Variants in WDR75 observed in about 807,000 individuals in gnomAD.
WDR75 encodes WD repeat domain 75, also known as WD repeat-containing protein 75.
WDR75 carries 52 observed loss-of-function variants against 106.1 expected under a neutral mutation model. The observed-to-expected ratio is 0.49, with a 90% CI of 0.39 to 0.62. WDR75 has a LOEUF of 0.62. WDR75 is among the 20% of genes least tolerant of loss of function. The pLI is 0.00. For synonymous variants in WDR75, 333 were observed against 335.5 expected, an observed-to-expected ratio of 0.99 and a Z score of 0.08; for missense variants, 905 against 970.3, an observed-to-expected ratio of 0.93 and a Z score of 0.89.
intron 17 of WDR75, among the ~76,000 whole-genome samples, chr2:189,470,616 A>G (rs1188478934): frequency 6.6e-6 from 1 of 151,110 alleles, no homozygotes; most frequent in East Asian, 1.9e-4. Context: ...ATTCATTACC[A>G]TTTCTTAAGT....
chr2:189,455,545 AATTACTATATTTG>A, intron 5 of WDR75, 101 bp downstream of exon 5: 1 of 1,418,630 alleles, frequency 7.0e-7, no homozygotes, highest in Non-Finnish European at 9.6e-7. Flanking sequence ...TATTCCCTTG[AATTACTATATTTG>A]TATTAGTAAC....
At chr2:189,468,731 T>C (rs956109163) in intron 15 of WDR75, among the ~76,000 whole-genome samples, 162 bp downstream of exon 15, 1 of 152,196 alleles carries the variant, frequency 6.6e-6, no homozygotes, top group African/African-American at 2.4e-5. Context: ...ATACTGGGCC[T>C]GTAATAGACA....
At chr2:189,442,473 C>G in intron 1 of WDR75, among the ~76,000 whole-genome samples, 1 of 44,788 alleles carries the variant, frequency 2.2e-5, no homozygotes. Context: ...TTTTTTGATG[C>G]AGAATCTCAC....
At chr2:189,459,001 C>T in intron 7 of WDR75, 129 bp downstream of exon 7, 3 of 1,186,928 alleles carry the variant, frequency 2.5e-6, no homozygotes, top group African/African-American at 1.6e-5. Flanking sequence ...TCATTTCATA[C>T]TTACTGTTTT....
chr2:189,448,708 G>A, intron 2 of WDR75, 200 bp downstream of exon 2: 1 of 704,924 alleles, frequency 1.4e-6, no homozygotes, highest in Non-Finnish European at 2.5e-6. Flanking sequence ...ATGCTAAGAG[G>A]TATTACCTGA....
chr2:189,462,489 A>C lies in WDR75; in HGVS notation c.784A>C (p.Ser262Arg), dbSNP rs1686911225. ...MDLAFSVTGT[S>R]LLSGGRESVL... ...TTCCTTGAATGGATATGAAGGCACC[A>C]GTCTGCTGAGTGGCGGTCGTGAATC... is the stretch of plus-strand genomic sequence containing the variant. The change falls in exon 9 of 21, where the codon AGT becomes CGT. Residue 262 changes from serine to arginine, a missense_variant. Coordinates refer to ENST00000314761, the MANE Select transcript of WDR75 (RefSeq NM_032168.3). The C allele has an allele frequency of 6.2e-7, 1 of 1,613,834 alleles. No individual in the cohort carries two copies. The highest frequency in any genetic ancestry group is 8.5e-7 in the Non-Finnish European group (1 of 1,179,796).
At position 189,469,463 on chromosome 2, in the gene WDR75, G is replaced by C. The variant is rs1375957787; in HGVS notation, c.1819+24G>C. 3 of 1,550,898 alleles carry C rather than the reference G, an allele frequency of 1.9e-6. No individual in the cohort carries two copies. The South Asian group carries it at 3.3e-5, about 17-fold the overall frequency. On this transcript the variant is annotated intron_variant, in intron 16 of 20. Transcript: ENST00000314761. ...CTGTAAGTACAAACCACACTTTGTA[G>C]TAAGAGAACATCTATGACCTAAGTT...
chr2:189,473,963 A>G (rs1435870714), intron 18 of WDR75, among the ~76,000 whole-genome samples: 1 of 152,146 alleles, frequency 6.6e-6, no homozygotes, highest in Non-Finnish European at 1.5e-5. Flanking sequence ...TGGTAAATGC[A>G]TGTATTATTC....
chr2:189,468,049 T>C (rs1687040066), intron 14 of WDR75, among the ~76,000 whole-genome samples: 1 of 152,158 alleles, frequency 6.6e-6, no homozygotes, highest in Non-Finnish European at 1.5e-5. Context: ...CTTCAGGTAG[T>C]TGGGCCTGAG....
intron 6 of WDR75, among the ~76,000 whole-genome samples, chr2:189,458,389 C>T (rs1686785241): frequency 6.6e-6 from 1 of 152,080 alleles, no homozygotes; most frequent in Non-Finnish European, 1.5e-5. Context: ...GATCTAATGT[C>T]TCAGGTTTGA....
At position 189,455,454 on chromosome 2, in the gene WDR75, G is replaced by A; in HGVS notation, c.498+10G>A. ...TGCCTTTGGAAACGAGGTAAATTTT[G>A]TTTTGTTCGTTTTCTGTTTTGTACC... On this transcript the variant is annotated intron_variant, in intron 5 of 20. Coordinates refer to ENST00000314761, the MANE Select transcript of WDR75 (RefSeq NM_032168.3). 6.2e-7 allele frequency: 1 copy of A among 1,600,622 alleles called. No individual in the cohort carries two copies. Among genetic ancestry groups the A allele is most frequent in the Middle Eastern group, 1.7e-4 (1 of 5,982 alleles).
At chr2:189,463,609 G>A (rs1331805767) in intron 9 of WDR75, 85 bp from the exon 10 acceptor site, 2 of 1,186,956 alleles carry the variant, frequency 1.7e-6, no homozygotes, top group African/African-American at 1.5e-5. Context: ...GTGTTAGGCT[G>A]CATAAAAAGC....
chr2:189,450,176 G>A, intron 2 of WDR75: 1 of 978,286 alleles, frequency 1.0e-6, no homozygotes, highest in Non-Finnish European at 1.2e-6. Context: ...TGTATTTTAT[G>A]AAAGTATTGG....
Position 189,455,433 on chromosome 2 carries a change from T to G in WDR75, c.487T>G (p.Phe163Val), listed in dbSNP as rs1169339033. 44 of 1,604,066 alleles carry G rather than the reference T, an allele frequency of 2.7e-5. No individual in the cohort carries two copies. The highest frequency in any genetic ancestry group is 3.7e-5 in the Non-Finnish European group (43 of 1,176,642). Residue 163 changes from phenylalanine (F) to valine (V), a missense_variant, in exon 5 of 21, where the codon TTT becomes GTT. Physicochemically the swap from Phe to Val is conservative, Grantham distance 50 (BLOSUM62 -1). Coordinates refer to ENST00000314761, the MANE Select transcript of WDR75 (RefSeq NM_032168.3). ...YINQSPKCIA[F>V]GNEGVYVAAV... ...AAACCAGTCACCCAAGTGCATTGCC[T>G]TTGGAAACGAGGTAAATTTTGTTTT...
At position 189,448,527 on chromosome 2, in the gene WDR75, C is replaced by T. The variant is rs1296268619; in HGVS notation, c.216+19C>T. On this transcript the variant is annotated intron_variant, in intron 2 of 20. Coordinates refer to ENST00000314761, the MANE Select transcript of WDR75 (RefSeq NM_032168.3). ...TCTACAGGTGTCAAACAGTTTATAG[C>T]TGAATACTTTAAGACTGGCTTTGTT... 6.2e-7 allele frequency: 1 copy of T among 1,609,658 alleles called. No homozygotes were observed. The highest frequency in any genetic ancestry group is 8.5e-7 in the Non-Finnish European group (1 of 1,178,578).
chr2:189,474,524 G>A (rs1687174862), intron 19 of WDR75, among the ~76,000 whole-genome samples, 192 bp downstream of exon 19: 1 of 152,194 alleles, frequency 6.6e-6, no homozygotes, highest in Non-Finnish European at 1.5e-5. Context: ...TGTAGGGATA[G>A]GGGTGGTTGT....
At chr2:189,447,239 G>T (rs1021415636) in intron 1 of WDR75, among the ~76,000 whole-genome samples, 1 of 152,142 alleles carries the variant, frequency 6.6e-6, no homozygotes, top group Admixed American at 6.6e-5. Context: ...ATATTTCTGC[G>T]CCTTGTTCTG....
intron 2 of WDR75, chr2:189,449,275 G>T: frequency 7.7e-7 from 1 of 1,303,458 alleles, no homozygotes; most frequent in Non-Finnish European, 1.0e-6. Context: ...ATTGATTAAG[G>T]ATGGATTTGC....
chr2:189,474,307 C>G lies in WDR75; in HGVS notation c.2171C>G (p.Thr724Arg). 6.2e-7 allele frequency: 1 copy of G among 1,612,184 alleles called. No homozygotes were observed. Among genetic ancestry groups the G allele is most frequent in the Non-Finnish European group, 8.5e-7 (1 of 1,179,422 alleles). The change falls in exon 19 of 21, where the codon ACA becomes AGA. Residue 724 changes from threonine to arginine, a missense_variant. By Grantham distance (71) the Thr-to-Arg change is moderately conservative (BLOSUM62 -1). Coordinates refer to ENST00000314761, the MANE Select transcript of WDR75 (RefSeq NM_032168.3). ...AATGAGCTGGTACAACTACCCTTAA[C>G]AGAAAACATACCCGCAATTAGTGAG... is the stretch of plus-strand genomic sequence containing the variant. ...LENELVQLPL[T>R]ENIPAISELL...
Sources: allele counts gnomAD v4.1 joint callset (sites outside exome capture counted in the v4.1 genomes callset), GRCh38; gene constraint gnomAD v4.1.1; transcripts MANE v1.5; gene names NCBI Gene and HGNC (gene_info 2026-07-23, HGNC 2026-07-21).